The following ACSM5 variants were observed in gnomAD, a reference collection of about 807,000 sequenced individuals.
ACSM5 encodes the protein acyl-coenzyme A synthetase ACSM5, mitochondrial.
ACSM5 carries 56 observed loss-of-function variants against 71.6 expected under a neutral mutation model. The ratio of observed to expected loss-of-function variants is 0.78; its 90% CI spans 0.63 to 0.98. The LOEUF (loss-of-function observed/expected upper bound fraction) is 0.98, where lower values mean the gene tolerates loss of function less well. Among genes scored for constraint, ACSM5 ranks in the 50% least tolerant of loss-of-function variants. The probability of loss-of-function intolerance (pLI) is 0.00; values close to 1 mark genes in which losing one functional copy is unlikely to be tolerated. For synonymous variants in ACSM5, 285 were observed against 281.5 expected, an observed-to-expected ratio of 1.01 and a Z score of -0.12; for missense variants, 723 against 726.0, an observed-to-expected ratio of 1.00 and a Z score of 0.05.
chr16:20,415,920 TAATACTC>T (rs971306754), intron 2 of ACSM5, among the ~76,000 whole-genome samples: 9 of 152,154 alleles, frequency 5.9e-5, no homozygotes, highest in African/African-American at 9.7e-5. Context: ...GCAGATAACT[TAATACTC>T]AATACTCGAG....
chr16:20,425,202 A>G (rs1318145768), intron 6 of ACSM5, among the ~76,000 whole-genome samples: 1 of 152,090 alleles, frequency 6.6e-6, no homozygotes, highest in Non-Finnish European at 1.5e-5. Flanking sequence ...CATGAGTTCA[A>G]TTGTTTTGAC....
intron 10 of ACSM5, among the ~76,000 whole-genome samples, chr16:20,435,838 G>A (rs1246969715): frequency 1.3e-5 from 2 of 152,078 alleles, no homozygotes; most frequent in African/African-American, 4.8e-5. Context: ...GAGAATCAGA[G>A]TTTCATTGTT....
intron 2 of ACSM5, among the ~76,000 whole-genome samples, chr16:20,417,041 G>A (rs1596612090): frequency 6.8e-6 from 1 of 147,396 alleles, no homozygotes; most frequent in Non-Finnish European, 1.5e-5. Context: ...AAAAAAAAAG[G>A]TACAATAACA....
chr16:20,411,407 C>T, intron 1 of ACSM5, 63 bp from the exon 2 acceptor site: 1 of 1,398,912 alleles, frequency 7.1e-7, no homozygotes, highest in African/African-American at 1.4e-5. Context: ...TTCTCCTAAC[C>T]TATGTGTTGT....
chr16:20,421,065 T>C (rs2141646992), intron 4 of ACSM5, 193 bp from the exon 5 acceptor site: 1 of 501,026 alleles, frequency 2.0e-6, no homozygotes, highest in South Asian at 7.3e-5. Flanking sequence ...CTCAGTTTCC[T>C]GGTCTGCAAA....
rs542345418 is a variant in ACSM5, at chr16:20,421,397, G to A, written c.763G>A (p.Gly255Arg). 3.6e-5 allele frequency: 57 copies of A among 1,596,894 alleles called. No individual in the cohort carries two copies. In the East Asian group the frequency reaches 7.0e-4, roughly 20 times the overall value. The change falls in exon 5 of 14, where the codon GGA becomes AGA. Residue 255 changes from glycine (G) to arginine (R), a missense_variant. Physicochemically the swap from Gly to Arg is moderately radical, Grantham distance 125. Coordinates refer to ENST00000331849, the MANE Select transcript of ACSM5 (RefSeq NM_017888.3). Reference protein sequence around the residue: ...SSYGLGFVASGRRWVALTESD... With the variant: ...SSYGLGFVASRRRWVALTESD... ...CTACGGACTGGGTTTTGTGGCCAGC[G>A]GAAGGTACCAGAGCAGCTTGTCTAG...
intron 10 of ACSM5, among the ~76,000 whole-genome samples, chr16:20,432,288 A>G (rs932710649): frequency 6.6e-5 from 10 of 152,100 alleles, no homozygotes; most frequent in African/African-American, 2.2e-4. Flanking sequence ...TCAGTTTCCC[A>G]GGCGATTCGA....
chr16:20,415,478 A>G (rs946298500), intron 2 of ACSM5, among the ~76,000 whole-genome samples: 7 of 152,234 alleles, frequency 4.6e-5, no homozygotes, highest in Admixed American at 6.5e-5. Flanking sequence ...TCACTGAGAC[A>G]TACATGAGAG....
In ACSM5 at chr16:20,430,535, GGGAAGAAAATA is replaced by G. The variant is rs1279458663; in HGVS notation, c.1126-447_1126-437del. Among the ~76,000 whole-genome samples, 42 of 150,912 alleles carry G rather than the reference GGGAAGAAAATA, an allele frequency of 2.8e-4. No homozygotes were observed. In the South Asian group the frequency reaches 8.8e-3, roughly 32 times the overall value. ...AAAGAAGAAAGACAGGCAAGAAAGA[GGGAAGAAAATA>G]GGAAGAAAATGAAGAAGGAAGGGAG... is the stretch of plus-strand genomic sequence containing the variant. On this transcript the variant is annotated intron_variant, in intron 8 of 13. Transcript: ENST00000331849.
chr16:20,430,812 A>G (rs1967080621), intron 8 of ACSM5, among the ~76,000 whole-genome samples, 181 bp from the exon 9 acceptor site: 1 of 151,526 alleles, frequency 6.6e-6, no homozygotes, highest in Non-Finnish European at 1.5e-5. Flanking sequence ...AAAAAAGAAA[A>G]GAAAGAAGGG....
intron 2 of ACSM5, among the ~76,000 whole-genome samples, chr16:20,416,936 A>C (rs563722375): frequency 6.6e-6 from 1 of 151,948 alleles, no homozygotes; most frequent in African/African-American, 2.4e-5. Context: ...GCCAATAGAC[A>C]CATGAAAAGA....
At chr16:20,429,306 C>G in intron 7 of ACSM5, among the ~76,000 whole-genome samples, 1 of 152,100 alleles carries the variant, frequency 6.6e-6, no homozygotes, top group Non-Finnish European at 1.5e-5. Flanking sequence ...AGCCATGGTG[C>G]CTGGCCTATC....
Position 20,421,242 on chromosome 16 carries a change from T to C in ACSM5, c.624-16T>C. 2 of 1,552,888 alleles carry C rather than the reference T, an allele frequency of 1.3e-6. No individual in the cohort carries two copies. Among genetic ancestry groups the C allele is most frequent in the Non-Finnish European group, 1.8e-6 (2 of 1,141,034 alleles). ...TTTACCGTGGTAGTGCCACCTAGTGTATTTACGTTTTACAGGGAGGCTTCT... is the reference window on the plus strand; with the variant it reads ...TTTACCGTGGTAGTGCCACCTAGTGCATTTACGTTTTACAGGGAGGCTTCT... On this transcript the variant is annotated splice_polypyrimidine_tract_variant and intron_variant, in intron 4 of 13. Transcript: ENST00000331849.
intron 13 of ACSM5, 78 bp downstream of exon 13, chr16:20,439,997 A>T: frequency 6.4e-7 from 1 of 1,565,528 alleles, no homozygotes; most frequent in Non-Finnish European, 8.8e-7. Context: ...ACTCAGAGCC[A>T]GGCCCTGTGC....
Position 20,431,235 on chromosome 16 carries a change from G to T in ACSM5, c.1222G>T (p.Gly408Cys). ...PYDVQIVDDEGNVLPPGEEGN... is the reference protein window; with the variant it reads ...PYDVQIVDDECNVLPPGEEGN... Reference sequence around the variant, plus strand: ...TCCTTACCAGATTGTGGATGATGAGGGCAACGTCCTGCCTCCTGGAGAAGA... The same window carrying T: ...TCCTTACCAGATTGTGGATGATGAGTGCAACGTCCTGCCTCCTGGAGAAGA... The change falls in exon 10 of 14, where the codon GGC (glycine) becomes TGC (cysteine). Residue 408 changes from glycine (G) to cysteine (C), a missense_variant. Coordinates refer to ENST00000331849, the MANE Select transcript of ACSM5 (RefSeq NM_017888.3). 6.2e-7 allele frequency: 1 copy of T among 1,614,056 alleles called. No individual in the cohort carries two copies. The highest frequency in any genetic ancestry group is 8.5e-7 in the Non-Finnish European group (1 of 1,179,978).
At chr16:20,425,086 A>G (rs1596617540) in intron 6 of ACSM5, among the ~76,000 whole-genome samples, 2 of 151,994 alleles carry the variant, frequency 1.3e-5, no homozygotes, top group East Asian at 3.9e-4. Context: ...AACAGGTCTT[A>G]TTCATTCATT....
intron 10 of ACSM5, among the ~76,000 whole-genome samples, chr16:20,433,003 G>A (rs529637573): frequency 5.9e-5 from 9 of 151,786 alleles, no homozygotes; most frequent in East Asian, 1.9e-4. Flanking sequence ...GACTACAGGC[G>A]CACACCACTT....
intron 6 of ACSM5, among the ~76,000 whole-genome samples, chr16:20,426,999 A>G (rs924321487): frequency 1.3e-5 from 2 of 151,276 alleles, no homozygotes; most frequent in African/African-American, 4.8e-5. Context: ...GAAGCTGGAA[A>G]ATTGCTTAAA....
At chr16:20,430,222 C>G (rs1967067154) in intron 8 of ACSM5, among the ~76,000 whole-genome samples, 1 of 151,604 alleles carries the variant, frequency 6.6e-6, no homozygotes, top group South Asian at 2.1e-4. Context: ...CACACACACA[C>G]ACACACACAC....
Sources: allele counts gnomAD v4.1 joint callset (sites outside exome capture counted in the v4.1 genomes callset), GRCh38; gene constraint gnomAD v4.1.1; transcripts MANE v1.5; gene names NCBI Gene and HGNC (gene_info 2026-07-23, HGNC 2026-07-21).